The following PSME4 variants were observed in gnomAD, a reference collection of about 807,000 sequenced individuals.
PSME4 encodes proteasome activator subunit 4.
In PSME4, 89 loss-of-function variants were observed where a neutral mutation model predicts 253.9. That is an observed-to-expected ratio of 0.35 (90% CI 0.30 to 0.42). The LOEUF (loss-of-function observed/expected upper bound fraction) is 0.42, where lower values mean the gene tolerates loss of function less well. Among genes scored for constraint, PSME4 ranks in the 10% least tolerant of loss-of-function variants. The pLI is 1.00. For synonymous variants in PSME4, 851 were observed against 759.2 expected (o/e 1.12, Z -1.99); for missense variants, 2,014 against 2,195.2 (o/e 0.92, Z 1.65).
intron 14 of PSME4, 62 bp downstream of exon 14, chr2:53,925,477 A>G: frequency 7.2e-7 from 1 of 1,394,918 alleles, no homozygotes; most frequent in South Asian, 1.7e-5. Flanking sequence ...CTTGAAGTCA[A>G]TTTTAAAACA....
chr2:53,910,145 G>A lies in PSME4; in HGVS notation c.2517-15C>T. ...TACTTGGTACTCTGTATAAAAACAAGAGTGCTTGCATTTATTAATAATACC... is the reference window on the plus strand; with the variant it reads ...TACTTGGTACTCTGTATAAAAACAAAAGTGCTTGCATTTATTAATAATACC... On this transcript the variant is annotated splice_polypyrimidine_tract_variant and intron_variant, in intron 20 of 46. Transcript: ENST00000404125. 2.5e-6 allele frequency: 4 copies of A among 1,597,762 alleles called. No homozygotes were observed. Among genetic ancestry groups the A allele is most frequent in the Non-Finnish European group, 3.4e-6 (4 of 1,165,252 alleles).
chr2:53,889,891 G>C (rs1459001429), intron 37 of PSME4, among the ~76,000 whole-genome samples: 2 of 152,090 alleles, frequency 1.3e-5, no homozygotes, highest in Non-Finnish European at 1.5e-5. Flanking sequence ...TACATAAGAT[G>C]ACAAAAGTAT....
intron 27 of PSME4, among the ~76,000 whole-genome samples, chr2:53,902,304 T>C (rs1471833881): frequency 6.6e-6 from 1 of 152,252 alleles, no homozygotes; most frequent in East Asian, 1.9e-4. Flanking sequence ...AACTAAAGTA[T>C]ACTGCATATT....
intron 20 of PSME4, among the ~76,000 whole-genome samples, chr2:53,915,430 A>T (rs1319759976): frequency 6.6e-6 from 1 of 150,626 alleles, no homozygotes; most frequent in African/African-American, 2.5e-5. Flanking sequence ...ACAGAGCAAG[A>T]CTCTATCTCA....
At chr2:53,928,418 C>T (rs1189248784) in intron 10 of PSME4, 115 bp from the exon 11 acceptor site, 7 of 770,814 alleles carry the variant, frequency 9.1e-6, no homozygotes, top group Non-Finnish European at 1.4e-5. Context: ...TTACAGTTAG[C>T]AAAATACTCA....
At chr2:53,918,800 T>C (rs1320699585) in intron 20 of PSME4, among the ~76,000 whole-genome samples, 2 of 152,194 alleles carry the variant, frequency 1.3e-5, no homozygotes, top group African/African-American at 4.8e-5. Context: ...GCTACAAAAT[T>C]CTGAATCAAC....
chr2:53,869,262 T>C (rs1678750976), intron 44 of PSME4, 114 bp downstream of exon 44: 1 of 1,075,388 alleles, frequency 9.3e-7, no homozygotes, highest in Non-Finnish European at 1.3e-6. Context: ...CTTTTCCCAA[T>C]ACCTAGCATA....
intron 43 of PSME4, among the ~76,000 whole-genome samples, chr2:53,874,000 G>A (rs1446341359): frequency 6.6e-6 from 1 of 152,132 alleles, no homozygotes; most frequent in East Asian, 1.9e-4. Context: ...GTCTCACTCT[G>A]CTGCTCAGGA....
Position 53,864,748 on chromosome 2 carries a change from T to A in PSME4, c.*830A>T, listed in dbSNP as rs805378. On this transcript the variant is annotated 3_prime_UTR_variant, in exon 47 of 47. Transcript: ENST00000404125. The stretch of plus-strand genomic sequence containing the variant: ...AAAAGGGAGAGAGAATAAAATAAAT[T>A]AAAAAATTACAAAATTTCCACAAAC... 44,850 of 152,436 alleles carry A rather than the reference T, an allele frequency of 0.29. 6,956 individuals are homozygous for A. Among genetic ancestry groups the A allele is most frequent in the South Asian group, 0.46 (2,214 of 4,824 alleles). 9.4% of individuals were successfully genotyped at this position (152,436 alleles called of 1,614,324 possible).
intron 1 of PSME4, among the ~76,000 whole-genome samples, chr2:53,963,799 A>T (rs1472031462): frequency 2.0e-5 from 3 of 152,142 alleles, no homozygotes; most frequent in Admixed American, 6.6e-5. Context: ...ATAGATGTTA[A>T]TTTTTTTAGG....
intron 29 of PSME4, among the ~76,000 whole-genome samples, chr2:53,899,357 T>C (rs1316869973): frequency 2.0e-5 from 3 of 152,008 alleles, no homozygotes; most frequent in Non-Finnish European, 4.4e-5. Context: ...TAAGCCACCG[T>C]GCTCGGCCTT....
chr2:53,962,690 C>T (rs1288343538), intron 1 of PSME4, among the ~76,000 whole-genome samples: 1 of 152,172 alleles, frequency 6.6e-6, no homozygotes, highest in Non-Finnish European at 1.5e-5. Context: ...CTGGCCTAGT[C>T]TGTCCTAAAT....
intron 26 of PSME4, among the ~76,000 whole-genome samples, chr2:53,905,220 G>A (rs1680600709): frequency 6.6e-6 from 1 of 151,480 alleles, no homozygotes; most frequent in African/African-American, 2.4e-5. Flanking sequence ...AGTAGGGAGG[G>A]GGTTTCACCA....
intron 45 of PSME4, among the ~76,000 whole-genome samples, 164 bp from the exon 46 acceptor site, chr2:53,866,387 T>C (rs922609182): frequency 6.6e-6 from 1 of 152,218 alleles, no homozygotes; most frequent in African/African-American, 2.4e-5. Flanking sequence ...GAATGGTCTT[T>C]TGAGTTACTA....
intron 10 of PSME4, 56 bp downstream of exon 10, chr2:53,931,779 C>T: frequency 2.5e-6 from 4 of 1,570,926 alleles, no homozygotes; most frequent in Non-Finnish European, 3.5e-6. Context: ...GAGAATCGAG[C>T]TGAACAGACC....
At chr2:53,945,626 A>T (rs1211500523) in intron 3 of PSME4, among the ~76,000 whole-genome samples, 2 of 152,230 alleles carry the variant, frequency 1.3e-5, no homozygotes, top group Non-Finnish European at 2.9e-5. Flanking sequence ...ACTAGCTTTT[A>T]AAATCATGTT....
intron 27 of PSME4, among the ~76,000 whole-genome samples, chr2:53,902,684 C>G (rs1422706424): frequency 6.6e-6 from 1 of 152,182 alleles, no homozygotes; most frequent in African/African-American, 2.4e-5. Flanking sequence ...CAGGGGTCAG[C>G]AAACATTTTC....
At chr2:53,920,665 A>G (rs1305419339) in intron 18 of PSME4, among the ~76,000 whole-genome samples, 1 of 152,206 alleles carries the variant, frequency 6.6e-6, no homozygotes, top group Admixed American at 6.5e-5. Context: ...TAGACATTAG[A>G]TAAGGAATAT....
intron 38 of PSME4, 139 bp from the exon 39 acceptor site, chr2:53,888,128 A>C: frequency 4.1e-6 from 3 of 737,300 alleles, no homozygotes; most frequent in Non-Finnish European, 5.9e-6. Context: ...TCCACAACTC[A>C]AAATAGCCTC....
Sources: gnomAD v4.1 joint callset for allele counts (sites outside exome capture counted in the v4.1 genomes callset) on GRCh38, gnomAD v4.1.1 for gene constraint, MANE v1.5 for transcripts, NCBI Gene and HGNC (gene_info 2026-07-23, HGNC 2026-07-21) for gene names.